The following TBC1D4 variants were observed in gnomAD, a reference collection of about 807,000 sequenced individuals.
TBC1D4 encodes the protein TBC (Tre-2, BUB2, CDC16) domain-containing protein.
In TBC1D4, 121 loss-of-function variants were observed where a neutral mutation model predicts 142.5. The observed-to-expected ratio is 0.85, with a 90% CI of 0.73 to 0.99. TBC1D4 has a LOEUF of 0.99. Among genes scored for constraint, TBC1D4 ranks in the 50% least tolerant of loss-of-function variants. The pLI is 0.00. For missense variants in TBC1D4, 1,475 were observed against 1,606.6 expected (o/e 0.92, Z 1.40); for synonymous variants, 630 against 628.2 (o/e 1.00, Z -0.04).
At chr13:75,291,130 G>T (rs527359619) in intron 19 of TBC1D4, among the ~76,000 whole-genome samples, 2 of 152,276 alleles carry the variant, frequency 1.3e-5, no homozygotes, top group African/African-American at 4.8e-5. Context: ...TTGCTTCTCA[G>T]ATCAATTCTC....
At chr13:75,428,134 G>A (rs939054545) in intron 1 of TBC1D4, among the ~76,000 whole-genome samples, 10 of 152,142 alleles carry the variant, frequency 6.6e-5, no homozygotes, top group African/African-American at 2.2e-4. Context: ...CCTTCATTAA[G>A]GGGGTGCTTC....
At chr13:75,324,967 C>G (rs938380323) in intron 10 of TBC1D4, among the ~76,000 whole-genome samples, 1 of 152,144 alleles carries the variant, frequency 6.6e-6, no homozygotes, top group Non-Finnish European at 1.5e-5. Flanking sequence ...CTAGAAGATT[C>G]TTTGCATAGC....
intron 5 of TBC1D4, among the ~76,000 whole-genome samples, chr13:75,347,993 T>A (rs1881291622): frequency 6.6e-6 from 1 of 151,978 alleles, no homozygotes; most frequent in African/African-American, 2.4e-5. Context: ...TTAAAAAAAT[T>A]AGCTGGGTGT....
chr13:75,340,680 C>T (rs550880173), intron 7 of TBC1D4, among the ~76,000 whole-genome samples: 40 of 152,270 alleles, frequency 2.6e-4, no homozygotes, highest in African/African-American at 9.4e-4. Flanking sequence ...GGTGCAGTGG[C>T]TCATGCCTGT....
At position 75,286,062 on chromosome 13, in the gene TBC1D4, C is replaced by A. The variant is rs1044437421; in HGVS notation, c.*730G>T. On this transcript the variant is annotated 3_prime_UTR_variant, in exon 21 of 21. Transcript: ENST00000377636. ...TTGCTAAAAAATTAGCAACATTCTC[C>A]TTTACCTTGAGCTGGGTAGACTCAG... 1.3e-5 allele frequency: 2 copies of A among 152,602 alleles called. No homozygotes were observed. The highest frequency in any genetic ancestry group is 4.8e-5 in the African/African-American group (2 of 41,442). The allele number at this position is 152,602 out of a possible 1,614,324, so 9.5% of individuals were successfully genotyped here.
Position 75,285,284 on chromosome 13 carries a change from A to G in TBC1D4, c.*1508T>C, listed in dbSNP as rs928196905. On this transcript the variant is annotated 3_prime_UTR_variant, in exon 21 of 21. Transcript: ENST00000377636. ...CATCAAAGCTTTCTGAAACCCCTAG[A>G]GCTTTACTATTCTACTCTATAATAC... 1 of 152,180 alleles carries G rather than the reference A, an allele frequency of 6.6e-6. No individual in the cohort carries two copies. Among genetic ancestry groups the G allele is most frequent in the African/African-American group, 2.4e-5 (1 of 41,442 alleles). 9.4% of individuals were successfully genotyped at this position (152,180 alleles called of 1,614,324 possible). A position where few individuals can be genotyped will look rare whatever the true frequency, so the allele number is the denominator to read the frequency against.
At chr13:75,416,750 C>T (rs1348273199) in intron 1 of TBC1D4, among the ~76,000 whole-genome samples, 1 of 152,116 alleles carries the variant, frequency 6.6e-6, no homozygotes, top group Non-Finnish European at 1.5e-5. Context: ...CGGTAAATAC[C>T]CAGTCTATGT....
intron 5 of TBC1D4, among the ~76,000 whole-genome samples, chr13:75,348,939 TAGAGAG>T (rs755430210): frequency 1.5e-5 from 2 of 131,104 alleles, no homozygotes; most frequent in African/African-American, 3.1e-5. Context: ...GGAGAGAGAG[TAGAGAG>T]AGAGAGAGAG....
intron 17 of TBC1D4, among the ~76,000 whole-genome samples, chr13:75,298,836 C>A (rs1876222101): frequency 6.6e-6 from 1 of 152,052 alleles, no homozygotes; most frequent in East Asian, 1.9e-4. Context: ...CTGTAAAGGC[C>A]TATCTTACAT....
rs777639948 is a variant in TBC1D4, at chr13:75,292,280, A to G, written c.3317-9T>C. ...CTGAAGAAAAATAATATCTAAAAGA[A>G]GAGATATAATTTTCATGATCAAAAC... On this transcript the variant is annotated splice_polypyrimidine_tract_variant and intron_variant, in intron 18 of 20. Coordinates refer to ENST00000377636, the MANE Select transcript of TBC1D4 (RefSeq NM_014832.5). 8.1e-6 allele frequency: 13 copies of G among 1,605,342 alleles called. No individual in the cohort carries two copies. The African/African-American group carries it at 1.5e-4, about 18-fold the overall frequency.
chr13:75,351,803 C>T (rs146688700), intron 4 of TBC1D4, among the ~76,000 whole-genome samples: 90 of 152,200 alleles, frequency 5.9e-4, no homozygotes, highest in African/African-American at 2.0e-3. Flanking sequence ...TTTTCTTAAT[C>T]TAATCTACCG....
intron 1 of TBC1D4, among the ~76,000 whole-genome samples, chr13:75,442,633 G>T (rs1288863532): frequency 6.6e-6 from 1 of 151,972 alleles, no homozygotes; most frequent in Non-Finnish European, 1.5e-5. Flanking sequence ...ACAAAAATTA[G>T]CTGGGCGTGG....
At chr13:75,479,575 G>A (rs1263641962) in intron 1 of TBC1D4, among the ~76,000 whole-genome samples, 2 of 152,060 alleles carry the variant, frequency 1.3e-5, no homozygotes, top group African/African-American at 2.4e-5. Flanking sequence ...GCAACAATGT[G>A]TCATGCATCA....
chr13:75,308,093 G>A (rs894061884), intron 14 of TBC1D4, among the ~76,000 whole-genome samples: 1 of 152,142 alleles, frequency 6.6e-6, no homozygotes, highest in South Asian at 2.1e-4. Flanking sequence ...GTTAATATCT[G>A]CCCTTAACTG....
At chr13:75,311,231 T>C (rs1877718453) in intron 13 of TBC1D4, among the ~76,000 whole-genome samples, 1 of 152,180 alleles carries the variant, frequency 6.6e-6, no homozygotes, top group Non-Finnish European at 1.5e-5. Flanking sequence ...CATGCTGAAT[T>C]TCTCATGATT....
chr13:75,451,263 G>T (rs975173496), intron 1 of TBC1D4, among the ~76,000 whole-genome samples: 2 of 152,058 alleles, frequency 1.3e-5, no homozygotes, highest in Non-Finnish European at 2.9e-5. Context: ...GTGCCTCGCA[G>T]TGTCTGCACA....
In TBC1D4 at chr13:75,377,373, T is replaced by C. The variant is rs145618544; in HGVS notation, c.499-14766A>G. 676 of 152,292 alleles carry C rather than the reference T, an allele frequency of 4.4e-3. 5 individuals carry two copies. The highest frequency in any genetic ancestry group is 0.015 in the African/African-American group (604 of 41,558). 9.4% of individuals were successfully genotyped at this position (152,292 alleles called of 1,614,324 possible). A position where few individuals can be genotyped will look rare whatever the true frequency, so the allele number is the denominator to read the frequency against. ...GTCTGATATACAAATTATTTTCTGA[T>C]TCTCTGCTAACACCATGCTTTGAAT... is the stretch of plus-strand genomic sequence containing the variant. On this transcript the variant is annotated intron_variant, in intron 1 of 20. Transcript: ENST00000377636.
intron 14 of TBC1D4, among the ~76,000 whole-genome samples, chr13:75,307,174 CTGGT>C (rs1326042279): frequency 6.6e-6 from 1 of 152,152 alleles, no homozygotes; most frequent in Non-Finnish European, 1.5e-5. Flanking sequence ...GCTGCCCAGG[CTGGT>C]CTTAAACTCC....
intron 1 of TBC1D4, among the ~76,000 whole-genome samples, chr13:75,475,831 C>T (rs1888609879): frequency 6.6e-6 from 1 of 152,162 alleles, no homozygotes; most frequent in Non-Finnish European, 1.5e-5. Context: ...ATCACTTATC[C>T]AACATACTTG....
Sources: allele counts gnomAD v4.1 joint callset (sites outside exome capture counted in the v4.1 genomes callset), GRCh38; gene constraint gnomAD v4.1.1; transcripts MANE v1.5; gene names NCBI Gene and HGNC (gene_info 2026-07-23, HGNC 2026-07-21).